The following LPIN2 variants were observed in gnomAD, a reference collection of about 807,000 sequenced individuals.
LPIN2 encodes the protein phosphatidate phosphatase LPIN2.
A neutral mutation model predicts 111.4 loss-of-function variants in LPIN2; 55 were observed. The observed-to-expected ratio is 0.49, with a 90% CI of 0.40 to 0.62. The LOEUF (loss-of-function observed/expected upper bound fraction) is 0.62. LPIN2 is among the 20% of genes least tolerant of loss of function. LPIN2 has a pLI of 0.00. For synonymous variants in LPIN2, 425 were observed against 414.0 expected (o/e 1.03, Z -0.32); for missense variants, 992 against 1,112.1 (o/e 0.89, Z 1.54).
At position 2,926,808 on chromosome 18, in the gene LPIN2, G is replaced by GT; in HGVS notation, c.1711-4dup. 1.2e-6 allele frequency: 2 copies of GT among 1,612,954 alleles called. No homozygotes were observed. On this transcript the variant is annotated splice_region_variant and splice_polypyrimidine_tract_variant and intron_variant, in intron 12 of 19. Coordinates refer to ENST00000677752, the MANE Select transcript of LPIN2 (RefSeq NM_001375808.2). ...TTTCCCTCCTTGGATTCTGGCAGCT[G>GT]TAACAGCAAGATGATAATGGCAACA... is the stretch of plus-strand genomic sequence containing the variant.
At chr18:2,938,729 C>A (rs1202455485) in intron 6 of LPIN2, among the ~76,000 whole-genome samples, 1 of 152,170 alleles carries the variant, frequency 6.6e-6, no homozygotes, top group African/African-American at 2.4e-5. Context: ...CAAATATATG[C>A]AAAATGTATA....
At chr18:3,006,292 A>G (rs925367784) in intron 1 of LPIN2, among the ~76,000 whole-genome samples, 1 of 152,212 alleles carries the variant, frequency 6.6e-6, no homozygotes, top group African/African-American at 2.4e-5. Flanking sequence ...GATAGACTAG[A>G]TATTAAAGAC....
intron 4 of LPIN2, 139 bp from the exon 5 acceptor site, chr18:2,940,851 G>A (rs1332030918): frequency 1.9e-5 from 13 of 670,970 alleles, no homozygotes; most frequent in Non-Finnish European, 3.5e-5. Context: ...AATATATGAA[G>A]GAGAAGGGGG....
chr18:3,004,231 C>T (rs969167949), intron 1 of LPIN2, among the ~76,000 whole-genome samples: 1 of 152,148 alleles, frequency 6.6e-6, no homozygotes, highest in Non-Finnish European at 1.5e-5. Flanking sequence ...GATCTTATTG[C>T]CCTTTGAAGC....
chr18:2,971,501 A>C (rs1348220019), intron 1 of LPIN2, among the ~76,000 whole-genome samples: 2 of 152,172 alleles, frequency 1.3e-5, no homozygotes, highest in Admixed American at 6.5e-5. Flanking sequence ...AGTTCCGGTA[A>C]GGAAGAGAAA....
intron 8 of LPIN2, among the ~76,000 whole-genome samples, chr18:2,933,463 T>G (rs533155215): frequency 3.6e-4 from 55 of 152,318 alleles, no homozygotes; most frequent in African/African-American, 1.3e-3. Flanking sequence ...CTTAAAAAAA[T>G]CCAACTATTA....
chr18:2,925,476 T>G lies in LPIN2; in HGVS notation c.1794-108A>C, dbSNP rs2077117657. 6.3e-6 allele frequency: 9 copies of G among 1,426,940 alleles called. No homozygotes were observed. The South Asian group carries it at 1.1e-4, about 17-fold the overall frequency. 88.4% of individuals were successfully genotyped at this position (1,426,940 alleles called of 1,614,324 possible). On this transcript the variant is annotated intron_variant, in intron 13 of 19. Coordinates refer to ENST00000677752, the MANE Select transcript of LPIN2 (RefSeq NM_001375808.2). The surrounding 1 kb of genome is among the most constrained non-coding windows in gnomAD (Gnocchi z 4.1). ...AGATATCCTAAATCTTTTCTAGGAA[T>G]GGGTAGAGTTATCCCTTCTGCCATT...
At chr18:2,936,359 G>A (rs1316246631) in intron 7 of LPIN2, among the ~76,000 whole-genome samples, 1 of 152,132 alleles carries the variant, frequency 6.6e-6, no homozygotes, top group Non-Finnish European at 1.5e-5. Context: ...TCGATGGTTG[G>A]CTTTTTATTT....
chr18:3,011,412 C>A (rs558647095), intron 1 of LPIN2, among the ~76,000 whole-genome samples: 17 of 151,644 alleles, frequency 1.1e-4, no homozygotes, highest in African/African-American at 3.6e-4. Context: ...CTGGCTGGGG[C>A]GGTTGCTCAC....
chr18:2,960,942 C>G (rs115551954), intron 1 of LPIN2, 93 bp from the exon 2 acceptor site: 1 of 974,544 alleles, frequency 1.0e-6, no homozygotes, highest in African/African-American at 1.6e-5. Context: ...ACACTACTCA[C>G]TTGTATGCCA....
intron 7 of LPIN2, among the ~76,000 whole-genome samples, chr18:2,936,718 C>T (rs2077291136): frequency 6.6e-6 from 1 of 152,098 alleles, no homozygotes; most frequent in Non-Finnish European, 1.5e-5. Context: ...TAGCTGGGAC[C>T]ACAGATGAAC....
At chr18:2,951,449 TAAAAA>T in intron 3 of LPIN2, 93 bp from the exon 4 acceptor site, 9 of 830,560 alleles carry the variant, frequency 1.1e-5, no homozygotes, top group South Asian at 1.6e-5. Context: ...TTCACCATGG[TAAAAA>T]AAAAAAAAAT....
intron 3 of LPIN2, among the ~76,000 whole-genome samples, chr18:2,951,802 G>C (rs1282570346): frequency 6.6e-6 from 1 of 152,228 alleles, no homozygotes; most frequent in Non-Finnish European, 1.5e-5. Flanking sequence ...AAGGGCAGCA[G>C]GACAGGTGAG....
At chr18:2,950,764 G>T (rs1431524239) in intron 4 of LPIN2, 1 of 447,678 alleles carries the variant, frequency 2.2e-6, no homozygotes. Context: ...TGCTCACCGA[G>T]GGGCAAATCA....
chr18:2,926,661 G>A, intron 13 of LPIN2, 62 bp downstream of exon 13: 1 of 1,434,414 alleles, frequency 7.0e-7, no homozygotes, highest in South Asian at 1.2e-5. Context: ...AATCAACTTA[G>A]AAGTAATGGC....
Position 2,945,976 on chromosome 18 carries a change from G to A in LPIN2, c.590+5079C>T, listed in dbSNP as rs148648160. 1.1e-4 allele frequency: 148 copies of A among 1,399,284 alleles called. 2 individuals are homozygous for A. The highest frequency in any genetic ancestry group is 8.6e-4 in the South Asian group (74 of 86,454). The allele number at this position is 1,399,284 out of a possible 1,614,324, so 86.7% of individuals were successfully genotyped here. A position where few individuals can be genotyped will look rare whatever the true frequency, so the allele number is the denominator to read the frequency against. On this transcript the variant is annotated intron_variant, in intron 4 of 19. Transcript: ENST00000677752. ...TCTTCTACAACAGCTCCAGTATTTCGTCCCCTCATGGAAAATAGGTACTCC... is the reference window on the plus strand; with the variant it reads ...TCTTCTACAACAGCTCCAGTATTTCATCCCCTCATGGAAAATAGGTACTCC...
chr18:2,937,115 C>T (rs1363310478), intron 7 of LPIN2, among the ~76,000 whole-genome samples: 1 of 152,098 alleles, frequency 6.6e-6, no homozygotes, highest in Admixed American at 6.5e-5. Flanking sequence ...TTGATTACAA[C>T]TCATTATTTG....
chr18:2,919,960 C>T lies in LPIN2; in HGVS notation c.*333G>A. 1 of 401,736 alleles carries T rather than the reference C, an allele frequency of 2.5e-6. No homozygotes were observed. The highest frequency in any genetic ancestry group is 2.2e-5 in the South Asian group (1 of 46,080). 24.9% of individuals were successfully genotyped at this position (401,736 alleles called of 1,614,324 possible). On this transcript the variant is annotated 3_prime_UTR_variant, in exon 20 of 20. Coordinates refer to ENST00000677752, the MANE Select transcript of LPIN2 (RefSeq NM_001375808.2). ...CTTCACTGTGTGCAGTGTTTTGGTC[C>T]ACTCTTTTTTAGCTGCTTTTTTCTT...
intron 2 of LPIN2, among the ~76,000 whole-genome samples, chr18:2,954,974 C>T (rs1057265237): frequency 6.6e-6 from 1 of 152,122 alleles, no homozygotes; most frequent in Non-Finnish European, 1.5e-5. Context: ...TTTCAGGAAC[C>T]TCAGTATGTG....
Sources: gnomAD v4.1 joint callset for allele counts (sites outside exome capture counted in the v4.1 genomes callset) on GRCh38, gnomAD v4.1.1 for gene constraint, Gnocchi (gnomAD v3.1) non-coding constraint, MANE v1.5 for transcripts, NCBI Gene and HGNC (gene_info 2026-07-23, HGNC 2026-07-21) for gene names.